RNFT2: variants seen among roughly 807,000 people sequenced by gnomAD.
RNFT2 encodes the protein ring finger protein, transmembrane 2.
RNFT2 carries 36 observed loss-of-function variants against 53.0 expected under a neutral mutation model. The observed-to-expected ratio is 0.68, with a 90% CI of 0.52 to 0.90. The LOEUF (loss-of-function observed/expected upper bound fraction) is 0.90, where lower values mean the gene tolerates loss of function less well. RNFT2 is among the 40% of genes least tolerant of loss of function. RNFT2 has a pLI of 0.00. For missense variants in RNFT2, 514 were observed against 585.6 expected (o/e 0.88, Z 1.26); for synonymous variants, 260 against 253.2 (o/e 1.03, Z -0.26).
At chr12:116,742,029 A>T (rs1371758852) in intron 3 of RNFT2, among the ~76,000 whole-genome samples, 3 of 152,190 alleles carry the variant, frequency 2.0e-5, no homozygotes, top group Non-Finnish European at 4.4e-5. Flanking sequence ...GGCTAATGAC[A>T]TTGAAAGATG....
chr12:116,791,460 C>T (rs1365315744), intron 7 of RNFT2, among the ~76,000 whole-genome samples: 2 of 152,074 alleles, frequency 1.3e-5, no homozygotes, highest in Non-Finnish European at 2.9e-5. Flanking sequence ...TACAGGAGTG[C>T]GCCACCAGGC....
At chr12:116,755,571 G>A (rs1313924684) in intron 5 of RNFT2, 9 of 847,224 alleles carry the variant, frequency 1.1e-5, no homozygotes, top group African/African-American at 1.7e-5. Flanking sequence ...AAGCTATCTC[G>A]GCTCTCAGAG....
At chr12:116,842,753 T>C (rs1877416506) in intron 10 of RNFT2, among the ~76,000 whole-genome samples, 1 of 152,166 alleles carries the variant, frequency 6.6e-6, no homozygotes, top group Non-Finnish European at 1.5e-5. Flanking sequence ...TTTGCATTTT[T>C]AGTAGGGACG....
chr12:116,750,888 TATAATATATATATA>T (rs1566069530), intron 4 of RNFT2, among the ~76,000 whole-genome samples: 965 of 5,562 alleles, frequency 0.17, 66 homozygotes, highest in East Asian at 0.54. Flanking sequence ...ATATTATATA[TATAATATATATATA>T]TATATATTTT....
At chr12:116,847,230 G>A (rs913928157) in intron 10 of RNFT2, among the ~76,000 whole-genome samples, 4 of 151,962 alleles carry the variant, frequency 2.6e-5, no homozygotes, top group African/African-American at 7.3e-5. Context: ...TTAAATTAAT[G>A]TGACATATTA....
At chr12:116,841,675 G>A (rs372220750) in intron 10 of RNFT2, among the ~76,000 whole-genome samples, 3 of 148,098 alleles carry the variant, frequency 2.0e-5, no homozygotes, top group South Asian at 4.2e-4. Context: ...TGGAACCTGG[G>A]AGGCAGAGGT....
chr12:116,781,814 C>T (rs1418490037), intron 7 of RNFT2, among the ~76,000 whole-genome samples: 1 of 151,866 alleles, frequency 6.6e-6, no homozygotes, highest in African/African-American at 2.4e-5. Flanking sequence ...CGGTGGCTCA[C>T]GCCTGTAATC....
rs1565876303 is a variant in RNFT2 at position 116,841,965 on chromosome 12, AGAGAGAG to A, written c.1200+5684_1200+5690del. 1.5e-4 allele frequency among the ~76,000 whole-genome samples: 18 copies of A among 117,486 alleles called. 1 individual carries two copies. Among genetic ancestry groups the A allele is most frequent in the East Asian group, 4.8e-4 (2 of 4,182 alleles). 77.1% of individuals were successfully genotyped at this position (117,486 alleles called of 152,430 possible). A position where few individuals can be genotyped will look rare whatever the true frequency, so the allele number is the denominator to read the frequency against. ...TATATATAAATATATATATAGAGAGAGAGAGAGAGAGAGAGAGAGAGGGAGGATCCAG... is the reference window on the plus strand; with the variant it reads ...TATATATAAATATATATATAGAGAGAAGAGAGAGAGAGAGGGAGGATCCAG... On this transcript the variant is annotated intron_variant, in intron 10 of 10. Transcript: ENST00000257575.
chr12:116,744,715 T>C (rs1018542433), intron 3 of RNFT2, among the ~76,000 whole-genome samples: 2 of 152,122 alleles, frequency 1.3e-5, no homozygotes, highest in African/African-American at 4.8e-5. Flanking sequence ...GGAATATTCT[T>C]TCCCAGTCAG....
In RNFT2 at chr12:116,849,655, C is replaced by T. The variant is rs1877812363; in HGVS notation, c.*207C>T. 7.8e-7 allele frequency: 1 copy of T among 1,280,188 alleles called. No individual in the cohort carries two copies. The highest frequency in any genetic ancestry group is 1.5e-5 in the African/African-American group (1 of 66,966). The allele number at this position is 1,280,188 out of a possible 1,614,324, so 79.3% of individuals were successfully genotyped here. ...CTGTGGTATAGTGCGTGCCTCCTTC[C>T]CCTGCAAAAGGGGACGTCTTCCTAA... On this transcript the variant is annotated 3_prime_UTR_variant, in exon 11 of 11. Transcript: ENST00000257575.
chr12:116,852,990 G>C lies in RNFT2; in HGVS notation c.*3542G>C. On this transcript the variant is annotated 3_prime_UTR_variant, in exon 11 of 11. Coordinates refer to ENST00000257575, the MANE Select transcript of RNFT2 (RefSeq NM_001382266.1). ...ACACTGTAAAGAATGTAACATGTGG[G>C]GGACACACAGGGGCAGATGGGATGG... The C allele has an allele frequency of 2.0e-6, 1 of 509,862 alleles. No homozygotes were observed. Among genetic ancestry groups the C allele is most frequent in the Admixed American group, 3.5e-5 (1 of 28,282 alleles). 31.6% of individuals were successfully genotyped at this position (509,862 alleles called of 1,614,324 possible).
chr12:116,785,291 T>A (rs1000417289), intron 7 of RNFT2, among the ~76,000 whole-genome samples: 5 of 85,560 alleles, frequency 5.8e-5, no homozygotes, highest in Admixed American at 1.2e-4. Flanking sequence ...GGGGGGTTGT[T>A]TGTTTGTTTT....
chr12:116,809,360 T>C (rs1875250124), intron 7 of RNFT2, among the ~76,000 whole-genome samples: 1 of 152,182 alleles, frequency 6.6e-6, no homozygotes, highest in Non-Finnish European at 1.5e-5. Flanking sequence ...CACTTCGTTG[T>C]GAGGTTTCGG....
In RNFT2 at chr12:116,851,372, G is replaced by A. The variant is rs947766542; in HGVS notation, c.*1924G>A. 5 of 220,392 alleles carry A rather than the reference G, an allele frequency of 2.3e-5. No homozygotes were observed. Among genetic ancestry groups the A allele is most frequent in the Admixed American group, 1.6e-4 (3 of 19,126 alleles). 13.7% of individuals were successfully genotyped at this position (220,392 alleles called of 1,614,324 possible). A position where few individuals can be genotyped will look rare whatever the true frequency, so the allele number is the denominator to read the frequency against. ...CACTCCGCTATCCCCAGCAGAGCCC[G>A]CACTCTTAACCTCCGCACTGCTCTG... On this transcript the variant is annotated 3_prime_UTR_variant, in exon 11 of 11. Transcript: ENST00000257575.
intron 7 of RNFT2, among the ~76,000 whole-genome samples, chr12:116,788,490 C>G (rs1874040313): frequency 6.6e-6 from 1 of 152,122 alleles, no homozygotes; most frequent in Non-Finnish European, 1.5e-5. Flanking sequence ...AGAAACCTAC[C>G]CTGCCTCTTC....
At chr12:116,753,216 T>A (rs1349088067) in intron 4 of RNFT2, among the ~76,000 whole-genome samples, 1 of 143,550 alleles carries the variant, frequency 7.0e-6, no homozygotes, top group Non-Finnish European at 1.5e-5. Flanking sequence ...AGTGGTGTGA[T>A]CTCAATTCAC....
intron 7 of RNFT2, among the ~76,000 whole-genome samples, chr12:116,785,249 CTGTGTG>C (rs56185708): frequency 5.0e-5 from 7 of 139,082 alleles, no homozygotes; most frequent in Non-Finnish European, 9.2e-5. Context: ...TTACCTACTT[CTGTGTG>C]TGTGTGTGTG....
At chr12:116,754,208 A>T (rs1223120284) in intron 5 of RNFT2, 148 bp downstream of exon 5, 1 of 658,504 alleles carries the variant, frequency 1.5e-6, no homozygotes, top group Non-Finnish European at 2.7e-6. Flanking sequence ...TATCAGTGAG[A>T]ACGTACAATG....
chr12:116,814,049 G>C (rs536758528), intron 7 of RNFT2, among the ~76,000 whole-genome samples: 1 of 152,160 alleles, frequency 6.6e-6, no homozygotes, highest in African/African-American at 2.4e-5. Flanking sequence ...AGAGGAAACG[G>C]GGCCTTGGAA....
Sources: allele counts gnomAD v4.1 joint callset (sites outside exome capture counted in the v4.1 genomes callset), GRCh38; gene constraint gnomAD v4.1.1; transcripts MANE v1.5; gene names NCBI Gene and HGNC (gene_info 2026-07-23, HGNC 2026-07-21).